RORA: variants seen among roughly 807,000 people sequenced by gnomAD.
RORA encodes the protein nuclear receptor ROR-alpha.
A neutral mutation model predicts 69.5 loss-of-function variants in RORA; 7 were observed. The ratio of observed to expected loss-of-function variants is 0.10; its 90% CI spans 0.06 to 0.19. The LOEUF is 0.19. Ranked by LOEUF, RORA falls within the 10% of genes least tolerant of loss-of-function variation. The pLI is 1.00. For missense variants in RORA, 457 were observed against 663.0 expected, an observed-to-expected ratio of 0.69 and a Z score of 3.41; for synonymous variants, 261 against 240.8, an observed-to-expected ratio of 1.08 and a Z score of -0.78.
intron 1 of RORA, among the ~76,000 whole-genome samples, chr15:60,727,001 C>T (rs2071366675): frequency 6.6e-6 from 1 of 152,156 alleles, no homozygotes; most frequent in African/African-American, 2.4e-5. Flanking sequence ...TTCACATTCA[C>T]AATCATTTTG....
At chr15:61,036,421 T>C (rs1459446018) in intron 1 of RORA, among the ~76,000 whole-genome samples, 1 of 152,162 alleles carries the variant, frequency 6.6e-6, no homozygotes. Flanking sequence ...TTCAGGAAGC[T>C]TAAGTGCAAG....
rs144667012 is a variant in RORA at position 60,650,337 on chromosome 15, C to T, written c.196+28320G>A. Among the ~76,000 whole-genome samples the T allele has an allele frequency of 5.3e-3, 800 of 152,254 alleles. 9 individuals are homozygous for T. The highest frequency in any genetic ancestry group is 0.018 in the African/African-American group (761 of 41,536). On this transcript the variant is annotated intron_variant, in intron 2 of 10. Coordinates refer to ENST00000335670, the MANE Select transcript of RORA (RefSeq NM_134261.3). ...AGAACATTTATGGTTATTTCAGCTT[C>T]AGTTTCTATTTACGCTGCTGGCTTT... is the stretch of plus-strand genomic sequence containing the variant.
chr15:60,671,079 T>TATATATATATATATATATAC (rs1288547918), intron 2 of RORA, among the ~76,000 whole-genome samples: 1 of 141,842 alleles, frequency 7.1e-6, no homozygotes, highest in African/African-American at 2.8e-5. Flanking sequence ...TATATATATA[T>TATATATATATATATATATAC]ATATATATAT....
At chr15:60,996,944 G>A (rs573663858) in intron 1 of RORA, among the ~76,000 whole-genome samples, 1 of 151,542 alleles carries the variant, frequency 6.6e-6, no homozygotes, top group Non-Finnish European at 1.5e-5. Context: ...AGAACCTAAC[G>A]TAATTTTTAC....
intron 1 of RORA, among the ~76,000 whole-genome samples, chr15:61,223,185 G>A (rs930098104): frequency 8.6e-5 from 13 of 151,888 alleles, no homozygotes; most frequent in East Asian, 1.9e-4. Flanking sequence ...ATGGTGGTGC[G>A]CACCTGTAGT....
At chr15:61,006,538 C>T (rs1043015639) in intron 1 of RORA, among the ~76,000 whole-genome samples, 88 of 152,234 alleles carry the variant, frequency 5.8e-4, no homozygotes, top group African/African-American at 2.1e-3. Flanking sequence ...TCACTTGACT[C>T]CATGAAGTGA....
chr15:61,023,298 C>T (rs1227893806), intron 1 of RORA, among the ~76,000 whole-genome samples: 2 of 151,268 alleles, frequency 1.3e-5, no homozygotes, highest in Admixed American at 1.3e-4. Context: ...ATTGGACTTA[C>T]AGTTCCACAT....
intron 2 of RORA, among the ~76,000 whole-genome samples, chr15:60,596,097 G>A (rs889030111): frequency 9.9e-5 from 15 of 152,116 alleles, no homozygotes; most frequent in African/African-American, 2.4e-4. Flanking sequence ...CTTTATGAGC[G>A]TATATTTTGT....
chr15:61,010,450 T>C (rs910473503), intron 1 of RORA, among the ~76,000 whole-genome samples: 2 of 152,176 alleles, frequency 1.3e-5, no homozygotes, highest in Non-Finnish European at 2.9e-5. Flanking sequence ...ACCTTGGTCA[T>C]ATTAGGACTT....
At chr15:60,826,768 T>TCC (rs370007591) in intron 1 of RORA, among the ~76,000 whole-genome samples, 7 of 60,982 alleles carry the variant, frequency 1.1e-4, no homozygotes, top group Middle Eastern at 7.4e-3. Context: ...TCTCTCTCCC[T>TCC]CTCTCTCTCT....
intron 1 of RORA, among the ~76,000 whole-genome samples, chr15:60,757,495 G>T (rs1032852510): frequency 1.3e-5 from 2 of 152,148 alleles, no homozygotes; most frequent in African/African-American, 4.8e-5. Flanking sequence ...TGCCTAGAAT[G>T]TTCTTCTCAC....
chr15:60,585,164 A>G (rs72748732), intron 2 of RORA, among the ~76,000 whole-genome samples: 1 of 152,342 alleles, frequency 6.6e-6, no homozygotes, highest in Non-Finnish European at 1.5e-5. Context: ...AACAAATAAC[A>G]TTTAAGCAAA....
At chr15:60,528,761 G>T (rs938685966) in intron 3 of RORA, 6 of 152,118 alleles carry the variant, frequency 3.9e-5, no homozygotes, top group Non-Finnish European at 7.4e-5. Context: ...CATTCTTCCA[G>T]GTACTTTCCT....
intron 1 of RORA, among the ~76,000 whole-genome samples, chr15:60,909,846 G>T (rs950473471): frequency 3.3e-5 from 5 of 152,218 alleles, no homozygotes; most frequent in African/African-American, 1.2e-4. Context: ...TTACAAGGTG[G>T]TCTGGAATGT....
At chr15:61,202,318 C>A (rs943256866) in intron 1 of RORA, among the ~76,000 whole-genome samples, 1 of 152,104 alleles carries the variant, frequency 6.6e-6, no homozygotes, top group South Asian at 2.1e-4. Flanking sequence ...CCCAACCCTA[C>A]TTGATCTTAA....
chr15:60,568,144 T>G (rs1296081791), intron 2 of RORA, among the ~76,000 whole-genome samples: 1 of 152,204 alleles, frequency 6.6e-6, no homozygotes, highest in East Asian at 1.9e-4. Flanking sequence ...GAGAGAATGG[T>G]TTCCAGGAAA....
intron 2 of RORA, among the ~76,000 whole-genome samples, chr15:60,548,846 C>T (rs1428620004): frequency 2.0e-5 from 3 of 152,118 alleles, no homozygotes; most frequent in Non-Finnish European, 2.9e-5. Context: ...ACCGTGGTCT[C>T]GATCTCCTGA....
chr15:61,192,140 G>T (rs1021191037), intron 1 of RORA, among the ~76,000 whole-genome samples: 1 of 152,252 alleles, frequency 6.6e-6, no homozygotes, highest in African/African-American at 2.4e-5. Context: ...CCAACCTGCA[G>T]TTTCAGCAAT....
At chr15:60,791,564 G>T (rs2140348661) in intron 1 of RORA, among the ~76,000 whole-genome samples, 1 of 152,286 alleles carries the variant, frequency 6.6e-6, no homozygotes, top group South Asian at 2.1e-4. Context: ...AAATAAGTCA[G>T]AAAAGGAACA....
Sources: allele counts gnomAD v4.1 joint callset (sites outside exome capture counted in the v4.1 genomes callset), GRCh38; gene constraint gnomAD v4.1.1; transcripts MANE v1.5; gene names NCBI Gene and HGNC (gene_info 2026-07-23, HGNC 2026-07-21).